Variants in SRPK2 observed in about 807,000 individuals in gnomAD.
The protein encoded by SRPK2 is SFRS protein kinase 2.
SRPK2 carries 21 observed loss-of-function variants against 90.8 expected under a neutral mutation model. That is an observed-to-expected ratio of 0.23 (90% confidence interval 0.16 to 0.33). The LOEUF (loss-of-function observed/expected upper bound fraction) is 0.33. SRPK2 is among the 10% of genes least tolerant of loss of function. SRPK2 has a pLI of 1.00. For synonymous variants in SRPK2, 288 were observed against 311.1 expected, an observed-to-expected ratio of 0.93 and a Z score of 0.78; for missense variants, 620 against 869.0, an observed-to-expected ratio of 0.71 and a Z score of 3.60.
At chr7:105,203,205 G>A (rs1364873758) in intron 3 of SRPK2, among the ~76,000 whole-genome samples, 1 of 152,052 alleles carries the variant, frequency 6.6e-6, no homozygotes, top group African/African-American at 2.4e-5. Flanking sequence ...GCCCAGGCTG[G>A]TCTTGAATTC....
chr7:105,295,193 AGAGC>A, intron 2 of SRPK2, among the ~76,000 whole-genome samples: 2 of 138,252 alleles, frequency 1.4e-5, no homozygotes, highest in Non-Finnish European at 3.2e-5. Flanking sequence ...CCTGGGTGAC[AGAGC>A]GAGAACCCGT....
In SRPK2 at chr7:105,128,216, GTGACAAGATGGCTTCCAGC is replaced by G. The variant is rs1801484711; in HGVS notation, c.1753-1173_1753-1155del. Among the ~76,000 whole-genome samples, 4 of 152,278 alleles carry G rather than the reference GTGACAAGATGGCTTCCAGC, an allele frequency of 2.6e-5. No homozygotes were observed. The South Asian group carries it at 6.2e-4, about 24-fold the overall frequency. On this transcript the variant is annotated intron_variant, in intron 13 of 15. Coordinates refer to ENST00000393651, the MANE Select transcript of SRPK2 (RefSeq NM_182692.3). ...CAATCACTTGAAGGAAGGAAGGATG[GTGACAAGATGGCTTCCAGC>G]TGACCGAGCGATAAGCATTAATTTA...
At chr7:105,304,052 A>G (rs532069992) in intron 2 of SRPK2, among the ~76,000 whole-genome samples, 4 of 152,376 alleles carry the variant, frequency 2.6e-5, no homozygotes, top group African/African-American at 9.6e-5. Context: ...TACAAACCCA[A>G]GAAAACATCC....
At position 105,210,491 on chromosome 7, in the gene SRPK2, C is replaced by G. The variant is rs1344519539; in HGVS notation, c.72-6706G>C. ...GGTTGAGTATCCCTCATTCAAAATA[C>G]TTGGGACCAGATAATGTTTCGAACT... On this transcript the variant is annotated intron_variant, in intron 2 of 15. Transcript: ENST00000393651. Among the ~76,000 whole-genome samples, 6 of 152,156 alleles carry G rather than the reference C, an allele frequency of 3.9e-5. 1 individual carries two copies. The highest frequency in any genetic ancestry group is 7.2e-5 in the African/African-American group (3 of 41,418).
chr7:105,246,084 C>G (rs1352118977), intron 2 of SRPK2, among the ~76,000 whole-genome samples: 1 of 152,166 alleles, frequency 6.6e-6, no homozygotes, highest in Non-Finnish European at 1.5e-5. Flanking sequence ...AAAATCCTTA[C>G]TATTTGCTAG....
At chr7:105,199,233 T>A (rs2129608801) in intron 3 of SRPK2, among the ~76,000 whole-genome samples, 1 of 152,330 alleles carries the variant, frequency 6.6e-6, no homozygotes, top group East Asian at 1.9e-4. Context: ...AACCCAAGTG[T>A]CTACATTTCC....
intron 2 of SRPK2, among the ~76,000 whole-genome samples, chr7:105,261,475 C>A (rs1426315118): frequency 6.6e-6 from 1 of 151,524 alleles, no homozygotes; most frequent in Admixed American, 6.6e-5. Context: ...GAGCCGAGAT[C>A]GCGCCACTGC....
intron 15 of SRPK2, among the ~76,000 whole-genome samples, chr7:105,120,121 C>T (rs1185934927): frequency 2.0e-5 from 3 of 152,206 alleles, no homozygotes; most frequent in Admixed American, 2.0e-4. Context: ...CTGTTGATCT[C>T]ACCACAGCAA....
At chr7:105,312,593 G>A (rs1005924060) in intron 2 of SRPK2, among the ~76,000 whole-genome samples, 15 of 152,122 alleles carry the variant, frequency 9.9e-5, no homozygotes, top group South Asian at 2.1e-4. Flanking sequence ...TTAATGGAGC[G>A]CCTGCTGGCT....
chr7:105,218,823 G>T (rs1434636159), intron 2 of SRPK2, among the ~76,000 whole-genome samples: 1 of 151,926 alleles, frequency 6.6e-6, no homozygotes, highest in Non-Finnish European at 1.5e-5. Flanking sequence ...CCTTAAATAT[G>T]ACTGATAAAT....
chr7:105,280,781 A>C (rs946852449), intron 2 of SRPK2, among the ~76,000 whole-genome samples: 5 of 150,902 alleles, frequency 3.3e-5, no homozygotes, highest in Non-Finnish European at 7.4e-5. Context: ...CCCCGTCTCT[A>C]CTAAAAATAC....
chr7:105,177,771 C>T (rs1219424060), intron 3 of SRPK2, among the ~76,000 whole-genome samples: 2 of 152,008 alleles, frequency 1.3e-5, no homozygotes, highest in Non-Finnish European at 2.9e-5. Context: ...GCCTGTAATC[C>T]TAGCACTTTG....
intron 3 of SRPK2, among the ~76,000 whole-genome samples, chr7:105,175,490 C>T (rs1791722961): frequency 2.0e-5 from 3 of 151,722 alleles, no homozygotes; most frequent in Admixed American, 1.3e-4. Flanking sequence ...TAACCCAAAG[C>T]AAACGGAAGA....
intron 2 of SRPK2, among the ~76,000 whole-genome samples, chr7:105,330,256 C>G (rs1182998301): frequency 6.6e-6 from 1 of 151,694 alleles, no homozygotes; most frequent in Non-Finnish European, 1.5e-5. Context: ...AGAATGGCGT[C>G]AACCCAGGAG....
chr7:105,131,445 G>A (rs1377785627), intron 13 of SRPK2, among the ~76,000 whole-genome samples: 1 of 152,178 alleles, frequency 6.6e-6, no homozygotes, highest in African/African-American at 2.4e-5. Context: ...CTAAGGCAGG[G>A]ACTTGGTTTT....
intron 2 of SRPK2, among the ~76,000 whole-genome samples, chr7:105,352,668 G>C (rs569533625): frequency 6.6e-6 from 1 of 152,252 alleles, no homozygotes; most frequent in East Asian, 1.9e-4. Context: ...GGGAGGCCAA[G>C]GTGGGCAGAT....
Position 105,142,120 on chromosome 7 carries a change from G to T in SRPK2, c.1431C>A (p.Ala477=). 6.2e-7 allele frequency: 1 copy of T among 1,614,166 alleles called. No homozygotes were observed. The highest frequency in any genetic ancestry group is 8.5e-7 in the Non-Finnish European group (1 of 1,180,026). Reference sequence around the variant, plus strand: ...ATCCCTCAGAAAGCACAGAGCCGCAGGCCACAGGTTCTAAGGATCCAGAGA... The same window carrying T: ...ATCCCTCAGAAAGCACAGAGCCGCATGCCACAGGTTCTAAGGATCCAGAGA... The part of the protein sequence containing the change: ...SLFSGSLEPV[A]CGSVLSEGSP... The change falls in exon 11 of 16, where the codon GCC becomes GCA. Residue 477 remains alanine, a synonymous_variant. Coordinates refer to ENST00000393651, the MANE Select transcript of SRPK2 (RefSeq NM_182692.3).
chr7:105,191,971 C>T (rs1371894232), intron 3 of SRPK2, among the ~76,000 whole-genome samples: 2 of 151,592 alleles, frequency 1.3e-5, no homozygotes, highest in Non-Finnish European at 2.9e-5. Flanking sequence ...GCCTTGGCCT[C>T]CCAGAGTGCT....
chr7:105,168,579 AT>A (rs1790379685), intron 4 of SRPK2, among the ~76,000 whole-genome samples: 1 of 152,138 alleles, frequency 6.6e-6, no homozygotes, highest in South Asian at 2.1e-4. Flanking sequence ...AAATAGTAGT[AT>A]GGGTCAAGAC....
Sources: allele counts gnomAD v4.1 joint callset (sites outside exome capture counted in the v4.1 genomes callset), GRCh38; gene constraint gnomAD v4.1.1; transcripts MANE v1.5; gene names NCBI Gene and HGNC (gene_info 2026-07-23, HGNC 2026-07-21).